FGL1: variants seen among roughly 807,000 people sequenced by gnomAD.
FGL1 encodes fibrinogen like 1.
In FGL1, 59 loss-of-function variants were observed where a neutral mutation model predicts 43.7. The observed-to-expected ratio is 1.35, with a 90% CI of 1.10 to 1.68. FGL1 has a LOEUF of 1.68. FGL1 is among the 40% of genes most tolerant of loss of function. The pLI, the probability that FGL1 is intolerant of heterozygous loss-of-function variation, is 0.00. For synonymous variants in FGL1, 192 were observed against 126.5 expected, an observed-to-expected ratio of 1.52 and a Z score of -3.48; for missense variants, 596 against 373.0, an observed-to-expected ratio of 1.60 and a Z score of -4.92.
intron 2 of FGL1, 26 bp downstream of exon 2, chr8:17,885,466 G>A: frequency 1.3e-6 from 2 of 1,548,974 alleles, no homozygotes; most frequent in Non-Finnish European, 1.8e-6. Context: ...TTATAAATAT[G>A]ACAATAGTTT....
chr8:17,891,539 T>G (rs577917744), intron 1 of FGL1: 1 of 252,342 alleles, frequency 4.0e-6, no homozygotes, highest in African/African-American at 2.3e-5. Flanking sequence ...CTCAGTTACA[T>G]GTACAAAGAC....
chr8:17,868,504 G>C (rs946194265), intron 7 of FGL1, 44 bp downstream of exon 7: 1 of 1,447,524 alleles, frequency 6.9e-7, no homozygotes, highest in Non-Finnish European at 9.4e-7. Flanking sequence ...CTATCAGTGA[G>C]ATATCATCAA....
chr8:17,875,212 G>C (rs1225203262), intron 3 of FGL1, among the ~76,000 whole-genome samples: 1 of 152,136 alleles, frequency 6.6e-6, no homozygotes, highest in Non-Finnish European at 1.5e-5. Flanking sequence ...TAGGGTACAT[G>C]TGCACAACAT....
intron 1 of FGL1, among the ~76,000 whole-genome samples, chr8:17,887,233 A>G (rs889398949): frequency 2.0e-5 from 3 of 152,156 alleles, no homozygotes; most frequent in Admixed American, 6.6e-5. Context: ...AGCTTCACCG[A>G]AAAGATCTTC....
intron 1 of FGL1, 80 bp downstream of exon 1, chr8:17,895,366 GT>G: frequency 2.4e-6 from 3 of 1,237,904 alleles, no homozygotes; most frequent in Admixed American, 2.5e-5. Context: ...TGTTACCTGA[GT>G]TTTGGTTACT....
At chr8:17,868,831 A>G (rs1384243339) in intron 6 of FGL1, 85 bp downstream of exon 6, 3 of 1,454,716 alleles carry the variant, frequency 2.1e-6, no homozygotes, top group African/African-American at 1.4e-5. Context: ...GTTCTATTGT[A>G]TATTTTTATT....
chr8:17,864,428 T>A lies in FGL1; in HGVS notation c.*164A>T, dbSNP rs1043537730. On this transcript the variant is annotated 3_prime_UTR_variant, in exon 8 of 8. Coordinates refer to ENST00000427924, the MANE Select transcript of FGL1 (RefSeq NM_004467.4). ...ACATTTATTTGGTGAATATTGCATATCTGCTGTACTGAAAGCACATTAAGT... is the reference window on the plus strand; with the variant it reads ...ACATTTATTTGGTGAATATTGCATAACTGCTGTACTGAAAGCACATTAAGT... 3.2e-6 allele frequency: 2 copies of A among 634,916 alleles called. No homozygotes were observed. Among genetic ancestry groups the A allele is most frequent in the South Asian group, 2.4e-5 (1 of 40,986 alleles). 39.3% of individuals were successfully genotyped at this position (634,916 alleles called of 1,614,324 possible). A position where few individuals can be genotyped will look rare whatever the true frequency, so the allele number is the denominator to read the frequency against.
chr8:17,890,931 G>A (rs1231212895), intron 1 of FGL1, among the ~76,000 whole-genome samples: 4 of 152,046 alleles, frequency 2.6e-5, no homozygotes, highest in South Asian at 2.1e-4. Context: ...GTGGGATTAC[G>A]AGAACTACAA....
chr8:17,881,991 A>G lies in FGL1; in HGVS notation c.244+8T>C. The stretch of plus-strand genomic sequence containing the variant: ...TTATAGAAACACTTAAGAAAAGTCC[A>G]TTCTGACCTGCATACTGCCTCTTGC... On this transcript the variant is annotated splice_region_variant and intron_variant, in intron 3 of 7. Transcript: ENST00000427924. 2 of 1,612,860 alleles carry G rather than the reference A, an allele frequency of 1.2e-6. No homozygotes were observed. Among genetic ancestry groups the G allele is most frequent in the Non-Finnish European group, 1.7e-6 (2 of 1,179,214 alleles).
At chr8:17,872,755 A>T (rs1427525662) in intron 5 of FGL1, among the ~76,000 whole-genome samples, 1 of 152,220 alleles carries the variant, frequency 6.6e-6, no homozygotes, top group Non-Finnish European at 1.5e-5. Flanking sequence ...GGAGCAAAAG[A>T]ACATGGGAGA....
intron 1 of FGL1, among the ~76,000 whole-genome samples, chr8:17,893,159 C>A (rs528464195): frequency 6.6e-6 from 1 of 152,242 alleles, no homozygotes; most frequent in South Asian, 2.1e-4. Flanking sequence ...CAAGATCACA[C>A]CACTGCACTC....
rs1309120839 is a variant in FGL1, at chr8:17,874,358, A to C, written c.404+4T>G. 6.2e-7 allele frequency: 1 copy of C among 1,610,788 alleles called. No individual in the cohort carries two copies. Among genetic ancestry groups the C allele is most frequent in the Non-Finnish European group, 8.5e-7 (1 of 1,178,652 alleles). On this transcript the variant is annotated splice_donor_region_variant and intron_variant, in intron 4 of 7. Transcript: ENST00000427924. ...TATAAAGTCTTACATCATAATTAGCACACCTGTTAAAGTTTTCACTGCCAT... is the reference window on the plus strand; with the variant it reads ...TATAAAGTCTTACATCATAATTAGCCCACCTGTTAAAGTTTTCACTGCCAT...
chr8:17,870,070 A>C (rs1205017228), intron 5 of FGL1, among the ~76,000 whole-genome samples: 6 of 152,176 alleles, frequency 3.9e-5, no homozygotes, highest in Non-Finnish European at 8.8e-5. Context: ...AGATTGCTCC[A>C]CTGCACTCCA....
At chr8:17,866,942 A>C (rs564647336) in intron 7 of FGL1, among the ~76,000 whole-genome samples, 2 of 152,264 alleles carry the variant, frequency 1.3e-5, no homozygotes, top group African/African-American at 4.8e-5. Flanking sequence ...TAACAGGAAA[A>C]CCACTAAGGA....
Position 17,894,902 on chromosome 8 carries a change from T to C in FGL1, c.-18+545A>G, listed in dbSNP as rs1218587809. ...ATTATTATACATAATTATGTATATA[T>C]TATAGATTATATATACATTATATAA... On this transcript the variant is annotated intron_variant, in intron 1 of 7. Transcript: ENST00000427924. Among the ~76,000 whole-genome samples, 4 of 138,982 alleles carry C rather than the reference T, an allele frequency of 2.9e-5. 1 individual carries two copies. The highest frequency in any genetic ancestry group is 1.2e-4 in the African/African-American group (4 of 32,836). 91.2% of individuals were successfully genotyped at this position (138,982 alleles called of 152,430 possible).
chr8:17,883,047 T>G (rs866612830), intron 2 of FGL1, among the ~76,000 whole-genome samples: 6 of 87,056 alleles, frequency 6.9e-5, no homozygotes, highest in African/African-American at 3.0e-4. Context: ...ATTAAATATA[T>G]AATATATATC....
chr8:17,885,660 GAT>G, intron 1 of FGL1, 89 bp from the exon 2 acceptor site: 1 of 1,072,828 alleles, frequency 9.3e-7, no homozygotes, highest in Non-Finnish European at 1.4e-6. Flanking sequence ...CAGGAAGTCG[GAT>G]GCAGCCGCAG....
Position 17,868,557 on chromosome 8 carries a change from C to T in FGL1, c.770G>A (p.Trp257Ter), listed in dbSNP as rs1264929271. ...TCATAAGACATCAAACCTGTTAAAC[C>T]ACCAGCCAGACTGATCTTCTTCTGC... ...NCAEEDQSGW[W>*]FNRCHSANLN... The change falls in exon 7 of 8, where the codon TGG becomes TAG. Residue 257 changes from tryptophan to a stop codon, truncating the protein, a stop_gained. Transcript: ENST00000427924. LOFTEE classifies it high-confidence loss of function. The T allele has an allele frequency of 1.2e-6, 2 of 1,610,872 alleles. No individual in the cohort carries two copies. Among genetic ancestry groups the T allele is most frequent in the Non-Finnish European group, 1.7e-6 (2 of 1,178,816 alleles).
At chr8:17,881,951 G>A (rs764411634) in intron 3 of FGL1, 48 bp downstream of exon 3, 1 of 1,518,842 alleles carries the variant, frequency 6.6e-7, no homozygotes, top group South Asian at 1.2e-5. Flanking sequence ...ACTGTACATG[G>A]GTGCATAATG....
Sources: allele counts gnomAD v4.1 joint callset (sites outside exome capture counted in the v4.1 genomes callset), GRCh38; gene constraint gnomAD v4.1.1; transcripts MANE v1.5; gene names NCBI Gene and HGNC (gene_info 2026-07-23, HGNC 2026-07-21).